SHISA9: variants seen among roughly 807,000 people sequenced by gnomAD.
The protein encoded by SHISA9 is protein shisa-9.
Under a neutral mutation model 38.0 loss-of-function variants are expected in SHISA9, and 13 were observed. The ratio of observed to expected loss-of-function variants is 0.34; its 90% CI spans 0.22 to 0.54. SHISA9 has a LOEUF of 0.54. Ranked by LOEUF, SHISA9 falls within the 20% of genes least tolerant of loss-of-function variation. The probability of loss-of-function intolerance (pLI) is 0.91; values close to 1 mark genes in which losing one functional copy is unlikely to be tolerated. For synonymous variants in SHISA9, 275 were observed against 242.0 expected, an observed-to-expected ratio of 1.14 and a Z score of -1.27; for missense variants, 538 against 575.8, an observed-to-expected ratio of 0.93 and a Z score of 0.67.
Position 13,198,383 on chromosome 16 carries a change from C to T in SHISA9, c.692-5011C>T, listed in dbSNP as rs534336415. Among the ~76,000 whole-genome samples the T allele has an allele frequency of 3.4e-4, 51 of 151,944 alleles. 2 individuals carry two copies. Among genetic ancestry groups the T allele is most frequent in the South Asian group, 2.5e-3 (12 of 4,804 alleles). ...TTGTATGTGTATGTACATATGCATA[C>T]ATATATACTTGTATGTGTATGTACA... On this transcript the variant is annotated intron_variant, in intron 2 of 4. Transcript: ENST00000558583.
chr16:13,217,400 C>G (rs78075544), intron 4 of SHISA9, among the ~76,000 whole-genome samples: 1 of 152,170 alleles, frequency 6.6e-6, no homozygotes, highest in Non-Finnish European at 1.5e-5. Flanking sequence ...GTTTATTTTG[C>G]AAACAGAAAC....
chr16:13,419,788 C>T, the SHISA9 span, among the ~76,000 whole-genome samples: 1 of 152,184 alleles, frequency 6.6e-6, no homozygotes, highest in African/African-American at 2.4e-5. Context: ...ATGGCTATAA[C>T]TGTGTTCCAA....
At chr16:13,198,396 A>G (rs2050970993) in intron 2 of SHISA9, among the ~76,000 whole-genome samples, 1 of 152,208 alleles carries the variant, frequency 6.6e-6, no homozygotes, top group Non-Finnish European at 1.5e-5. Flanking sequence ...ATATACTTGT[A>G]TGTGTATGTA....
chr16:13,399,070 A>G, the SHISA9 span, among the ~76,000 whole-genome samples: 1 of 152,178 alleles, frequency 6.6e-6, no homozygotes, highest in East Asian at 1.9e-4. Context: ...GCCTGGCAAT[A>G]TCTTGAAACC....
the SHISA9 span, among the ~76,000 whole-genome samples, chr16:13,516,651 T>C: frequency 1.3e-5 from 2 of 152,058 alleles, no homozygotes; most frequent in East Asian, 1.9e-4. Flanking sequence ...AATACAAAAA[T>C]TAGCTGGGCA....
the SHISA9 span, among the ~76,000 whole-genome samples, chr16:13,509,722 T>C: frequency 6.6e-6 from 1 of 152,206 alleles, no homozygotes; most frequent in Non-Finnish European, 1.5e-5. Context: ...GAATATCACT[T>C]ATTAATGACC....
chr16:13,313,725 T>A, the SHISA9 span, among the ~76,000 whole-genome samples: 2 of 152,180 alleles, frequency 1.3e-5, no homozygotes, highest in African/African-American at 4.8e-5. Flanking sequence ...CTTTAGCAAG[T>A]ATATAAAAAT....
the SHISA9 span, among the ~76,000 whole-genome samples, chr16:13,387,090 A>ATG: frequency 6.6e-6 from 1 of 152,216 alleles, no homozygotes; most frequent in Non-Finnish European, 1.5e-5. Flanking sequence ...TAAATCATTG[A>ATG]TGTGTAATTC....
At chr16:12,996,108 A>G (rs74959396) in intron 2 of SHISA9, among the ~76,000 whole-genome samples, 2,318 of 152,322 alleles carry the variant, frequency 0.015, 57 homozygotes, top group African/African-American at 0.052. Context: ...TCTGTTGCCA[A>G]AAGCTCAGAT....
rs139220509 is a variant in SHISA9 at position 13,138,136 on chromosome 16, G to A, written c.692-65258G>A. Among the ~76,000 whole-genome samples, 3 of 152,254 alleles carry A rather than the reference G, an allele frequency of 2.0e-5. No individual in the cohort carries two copies. The East Asian group carries it at 5.8e-4, about 29-fold the overall frequency. On this transcript the variant is annotated intron_variant, in intron 2 of 4. Coordinates refer to ENST00000558583, the MANE Select transcript of SHISA9 (RefSeq NM_001145204.3). ...TAGTCCCTGGGCTATATTTTGAGTG[G>A]CTGTGCTCTAGGACTTTGCTTCTCT...
chr16:12,972,979 G>T (rs969418863), intron 2 of SHISA9, among the ~76,000 whole-genome samples: 1 of 152,138 alleles, frequency 6.6e-6, no homozygotes, highest in African/African-American at 2.4e-5. Context: ...AGCCAGGCGT[G>T]GTGGTGGGTG....
chr16:13,098,431 C>T (rs1011201405), intron 2 of SHISA9, among the ~76,000 whole-genome samples: 1 of 152,152 alleles, frequency 6.6e-6, no homozygotes, highest in Non-Finnish European at 1.5e-5. Context: ...CCATTAAGAT[C>T]CCAGCAACCC....
chr16:13,078,338 A>G (rs1406446550), intron 2 of SHISA9, among the ~76,000 whole-genome samples: 1 of 152,234 alleles, frequency 6.6e-6, no homozygotes, highest in Non-Finnish European at 1.5e-5. Flanking sequence ...TGTAAATGCT[A>G]TGTAAATAGT....
chr16:13,439,611 C>G, the SHISA9 span, among the ~76,000 whole-genome samples: 1 of 152,064 alleles, frequency 6.6e-6, no homozygotes, highest in East Asian at 1.9e-4. Flanking sequence ...GGAAGGGGGA[C>G]CTAGGGGTTG....
At chr16:13,119,576 C>T (rs557185591) in intron 2 of SHISA9, among the ~76,000 whole-genome samples, 7 of 152,198 alleles carry the variant, frequency 4.6e-5, no homozygotes, top group Admixed American at 3.3e-4. Context: ...CATTAACAAT[C>T]GCTAATCATT....
At chr16:13,179,670 A>G (rs2142029676) in intron 2 of SHISA9, among the ~76,000 whole-genome samples, 1 of 152,300 alleles carries the variant, frequency 6.6e-6, no homozygotes, top group African/African-American at 2.4e-5. Flanking sequence ...GCTGTGGGAA[A>G]GGCAAAGGTT....
the SHISA9 span, among the ~76,000 whole-genome samples, chr16:13,303,870 T>G: frequency 6.6e-6 from 1 of 152,194 alleles, no homozygotes; most frequent in Non-Finnish European, 1.5e-5. Flanking sequence ...CACTTGTCCC[T>G]CAATAAATGC....
chr16:12,976,043 G>T (rs748556045), intron 2 of SHISA9, among the ~76,000 whole-genome samples: 1 of 152,078 alleles, frequency 6.6e-6, no homozygotes, highest in African/African-American at 2.4e-5. Context: ...TGGGTTGGCT[G>T]CAAATTCATG....
chr16:13,166,734 A>T (rs1330477182), intron 2 of SHISA9, among the ~76,000 whole-genome samples: 1 of 152,150 alleles, frequency 6.6e-6, no homozygotes. Flanking sequence ...ATGGGATGCG[A>T]TAGTGGGAAG....
Sources: gnomAD v4.1 joint callset for allele counts (sites outside exome capture counted in the v4.1 genomes callset) on GRCh38, gnomAD v4.1.1 for gene constraint, MANE v1.5 for transcripts, NCBI Gene and HGNC (gene_info 2026-07-23, HGNC 2026-07-21) for gene names.